UNC13C: variants seen among roughly 807,000 people sequenced by gnomAD.
The protein encoded by UNC13C is unc-13 homolog C, also known as protein unc-13 homolog C.
UNC13C carries 174 observed loss-of-function variants against 245.4 expected under a neutral mutation model. The ratio of observed to expected loss-of-function variants is 0.71; its 90% CI spans 0.63 to 0.80. The LOEUF (loss-of-function observed/expected upper bound fraction) is 0.80. UNC13C is among the 30% of genes least tolerant of loss of function. UNC13C has a pLI of 0.00. For missense variants in UNC13C, 2,829 were observed against 2,602.9 expected (o/e 1.09, Z -1.89); for synonymous variants, 992 against 895.1 (o/e 1.11, Z -1.93).
intron 28 of UNC13C, among the ~76,000 whole-genome samples, chr15:54,552,747 A>G (rs1394681571): frequency 2.2e-5 from 2 of 92,720 alleles, no homozygotes; most frequent in African/African-American, 8.9e-5. Context: ...TATATATTAT[A>G]TAGTACAATA....
At chr15:53,891,039 G>A in the UNC13C span, among the ~76,000 whole-genome samples, 2 of 152,094 alleles carry the variant, frequency 1.3e-5, no homozygotes, top group Non-Finnish European at 2.9e-5. Context: ...TTTTAAATGT[G>A]TCCCGGAGAT....
At position 54,235,057 on chromosome 15, in the gene UNC13C, C is replaced by G. The variant is rs769614477; in HGVS notation, c.3099C>G (p.Asp1033Glu). ...CTGGAGGTGGACTTTATGGTATTGA[C>G]AGCATGCCGGATCTTCGCAGAAAAA... The part of the protein sequence containing the change: ...GGAGGGLYGI[D>E]SMPDLRRKKT... The change falls in exon 5 of 33, where the codon GAC becomes GAG. Residue 1033 changes from aspartate (D) to glutamate (E), a missense_variant. Physicochemically the swap from Asp to Glu is conservative, Grantham distance 45. Coordinates refer to ENST00000260323, the MANE Select transcript of UNC13C (RefSeq NM_001080534.3). The G allele has an allele frequency of 1.9e-6, 3 of 1,613,890 alleles. No individual in the cohort carries two copies. Among genetic ancestry groups the G allele is most frequent in the Non-Finnish European group, 2.5e-6 (3 of 1,179,850 alleles).
At chr15:53,981,518 G>A (rs1161499369) in intron 1 of UNC13C, among the ~76,000 whole-genome samples, 8 of 152,060 alleles carry the variant, frequency 5.3e-5, no homozygotes, top group Admixed American at 5.2e-4. Context: ...GCAAAAAATT[G>A]CAAATTCAAA....
chr15:54,234,788 A>G (rs984006095), intron 4 of UNC13C, among the ~76,000 whole-genome samples: 2 of 152,188 alleles, frequency 1.3e-5, no homozygotes, highest in African/African-American at 4.8e-5. Context: ...CATCCAGGCC[A>G]TGTATATCTT....
chr15:54,587,983 A>G (rs1898580233), intron 30 of UNC13C, among the ~76,000 whole-genome samples: 1 of 152,218 alleles, frequency 6.6e-6, no homozygotes, highest in Non-Finnish European at 1.5e-5. Flanking sequence ...CCTGGGCACA[A>G]TGCATGGGTG....
At chr15:54,228,210 G>T (rs1469599045) in intron 4 of UNC13C, among the ~76,000 whole-genome samples, 2 of 152,106 alleles carry the variant, frequency 1.3e-5, no homozygotes, top group Non-Finnish European at 2.9e-5. Context: ...TCGTCAGCTT[G>T]TGGTGAATAC....
the UNC13C span, among the ~76,000 whole-genome samples, chr15:53,839,724 T>C: frequency 1.3e-5 from 2 of 152,236 alleles, no homozygotes; most frequent in East Asian, 1.9e-4. Flanking sequence ...CCATTTTTTT[T>C]CCCCCTTCTG....
intron 17 of UNC13C, among the ~76,000 whole-genome samples, chr15:54,370,474 C>G (rs1342689888): frequency 2.0e-5 from 3 of 152,160 alleles, no homozygotes; most frequent in Non-Finnish European, 2.9e-5. Flanking sequence ...TTTAAGTCCC[C>G]TTTCAATTCT....
intron 2 of UNC13C, among the ~76,000 whole-genome samples, chr15:54,113,473 G>T (rs1296858501): frequency 6.6e-6 from 1 of 152,184 alleles, no homozygotes; most frequent in East Asian, 1.9e-4. Context: ...TGGAGTATTA[G>T]AAGCTGGTTA....
intron 4 of UNC13C, among the ~76,000 whole-genome samples, chr15:54,185,347 T>C (rs1331970255): frequency 1.3e-5 from 2 of 151,946 alleles, no homozygotes; most frequent in Admixed American, 6.5e-5. Flanking sequence ...TCCTTGCCCA[T>C]GCCTATGTCC....
intron 30 of UNC13C, among the ~76,000 whole-genome samples, chr15:54,573,882 A>G (rs1048179753): frequency 6.6e-6 from 1 of 152,206 alleles, no homozygotes; most frequent in African/African-American, 2.4e-5. Flanking sequence ...AATCTAACAC[A>G]GGCTGAAAAG....
intron 2 of UNC13C, among the ~76,000 whole-genome samples, chr15:54,017,557 T>A (rs1895717196): frequency 6.6e-6 from 1 of 152,054 alleles, no homozygotes; most frequent in Admixed American, 6.6e-5. Context: ...AATGTTTTAA[T>A]GGCAGTTGGT....
intron 13 of UNC13C, 57 bp downstream of exon 13, chr15:54,300,430 AAGG>A: frequency 1.4e-6 from 2 of 1,456,852 alleles, no homozygotes; most frequent in Non-Finnish European, 1.8e-6. Flanking sequence ...TAAAGAAAGA[AAGG>A]AGCGTTCATC....
chr15:54,253,485 A>C lies in UNC13C; in HGVS notation c.3448+3041A>C, dbSNP rs186810986. Reference sequence around the variant, plus strand: ...GAAACAGGGAGAACAATGAGAAAAGAGACCTGATTTATACTCCTTCAATAA... The same window carrying C: ...GAAACAGGGAGAACAATGAGAAAAGCGACCTGATTTATACTCCTTCAATAA... On this transcript the variant is annotated intron_variant, in intron 8 of 32. Transcript: ENST00000260323. Among the ~76,000 whole-genome samples, 3 of 152,360 alleles carry C rather than the reference A, an allele frequency of 2.0e-5. No homozygotes were observed. In the East Asian group the frequency reaches 5.8e-4, roughly 29 times the overall value.
In UNC13C at chr15:54,322,006, G is replaced by T; in HGVS notation, c.4336G>T (p.Ala1446Ser). 5 of 1,588,520 alleles carry T rather than the reference G, an allele frequency of 3.1e-6. No individual in the cohort carries two copies. The highest frequency in any genetic ancestry group is 1.1e-5 in the South Asian group (1 of 87,336). ...GVPAVMSTLL[A>S]NINAFYAHTT... The stretch of plus-strand genomic sequence containing the variant: ...CCCTGCCGTCATGAGCACCTTGCTG[G>T]CTAATATAAATGCTTTTTATGCTCA... The change falls in exon 14 of 33, where the codon GCT (alanine) becomes TCT (serine). Residue 1446 changes from alanine to serine, a missense_variant. By Grantham distance (99) the Ala-to-Ser change is moderately conservative. Coordinates refer to ENST00000260323, the MANE Select transcript of UNC13C (RefSeq NM_001080534.3).
chr15:54,082,208 A>ACC (rs1898980990), intron 2 of UNC13C, among the ~76,000 whole-genome samples: 1 of 152,008 alleles, frequency 6.6e-6, no homozygotes, highest in Non-Finnish European at 1.5e-5. Context: ...AGTTGTTTTC[A>ACC]TTAGCATTGA....
chr15:54,466,944 T>C (rs910860702), intron 19 of UNC13C, among the ~76,000 whole-genome samples: 4 of 151,830 alleles, frequency 2.6e-5, no homozygotes, highest in Non-Finnish European at 4.4e-5. Context: ...CTAAAGAAAT[T>C]AGGAGACCTG....
chr15:54,624,070 G>T (rs1900982801), intron 32 of UNC13C, 116 bp downstream of exon 32: 2 of 1,300,714 alleles, frequency 1.5e-6, no homozygotes, highest in Admixed American at 4.2e-5. Flanking sequence ...TCTGTTTTTA[G>T]TTCCCTTCCA....
chr15:53,875,145 T>C, the UNC13C span, among the ~76,000 whole-genome samples: 4 of 152,298 alleles, frequency 2.6e-5, no homozygotes, highest in African/African-American at 9.6e-5. Flanking sequence ...ACATCTATTT[T>C]AAGTACATTG....
Sources: gnomAD v4.1 joint callset for allele counts (sites outside exome capture counted in the v4.1 genomes callset) on GRCh38, gnomAD v4.1.1 for gene constraint, MANE v1.5 for transcripts, NCBI Gene and HGNC (gene_info 2026-07-23, HGNC 2026-07-21) for gene names.